Variants in NAP1L4 observed in about 807,000 individuals in gnomAD.
NAP1L4 encodes the protein nucleosome assembly protein 1-like 4.
A neutral mutation model predicts 58.2 loss-of-function variants in NAP1L4; 15 were observed. The observed-to-expected ratio is 0.26, with a 90% CI of 0.17 to 0.40. The LOEUF (loss-of-function observed/expected upper bound fraction) is 0.40, where lower values mean the gene tolerates loss of function less well. Among genes scored for constraint, NAP1L4 ranks in the 10% least tolerant of loss-of-function variants. The pLI, the probability that NAP1L4 is intolerant of heterozygous loss-of-function variation, is 1.00. For missense variants in NAP1L4, 384 were observed against 451.1 expected (o/e 0.85, Z 1.35); for synonymous variants, 171 against 155.6 (o/e 1.10, Z -0.74).
chr11:2,947,265 G>A (rs1845983784), intron 15 of NAP1L4, among the ~76,000 whole-genome samples: 1 of 152,222 alleles, frequency 6.6e-6, no homozygotes, highest in African/African-American at 2.4e-5. Context: ...TGATGTAATA[G>A]GTATTTTCAA....
rs1168838588 is a variant in NAP1L4, at chr11:2,951,885, G to A, written c.1036-76C>T. 7.1e-7 allele frequency: 1 copy of A among 1,413,076 alleles called. No homozygotes were observed. The highest frequency in any genetic ancestry group is 1.2e-5 in the South Asian group (1 of 85,514). 87.5% of individuals were successfully genotyped at this position (1,413,076 alleles called of 1,614,324 possible). ...CTGCCCAAGACACCAGTCCCATCAA[G>A]TGACTCACTGACCAAGCCTAAGAGG... is the stretch of plus-strand genomic sequence containing the variant. On this transcript the variant is annotated intron_variant, in intron 12 of 15. Transcript: ENST00000380542. The surrounding 1 kb of genome is among the most constrained non-coding windows in gnomAD (Gnocchi z 4.0).
At chr11:2,988,465 T>C in intron 1 of NAP1L4, among the ~76,000 whole-genome samples, 1 of 152,234 alleles carries the variant, frequency 6.6e-6, no homozygotes, top group East Asian at 1.9e-4. Flanking sequence ...ACTTCTGTTT[T>C]ATTCTGCGGG....
chr11:2,965,791 A>T (rs1284501799), intron 7 of NAP1L4, among the ~76,000 whole-genome samples: 1 of 152,068 alleles, frequency 6.6e-6, no homozygotes, highest in Non-Finnish European at 1.5e-5. Flanking sequence ...CGGCCTCCCA[A>T]AGTGCTGGGA....
At chr11:2,947,813 A>AT (rs1564970750) in intron 15 of NAP1L4, among the ~76,000 whole-genome samples, 3 of 152,344 alleles carry the variant, frequency 2.0e-5, no homozygotes, top group East Asian at 1.9e-4. Flanking sequence ...GTTTGAACAG[A>AT]TAACACTCGA....
At chr11:2,945,676 G>A (rs1007634467) in intron 15 of NAP1L4, 30 bp from the exon 16 acceptor site, 232 of 1,527,740 alleles carry the variant, frequency 1.5e-4, no homozygotes, top group Non-Finnish European at 1.8e-4. Flanking sequence ...GGCTTGTAGA[G>A]AGCAAAGCCA....
chr11:2,977,679 A>G (rs7103211), intron 3 of NAP1L4, among the ~76,000 whole-genome samples: 1,644 of 152,210 alleles, frequency 0.011, 33 homozygotes, highest in African/African-American at 0.038. Flanking sequence ...GTTTCTTGGT[A>G]ATGACATTGT....
At position 2,949,287 on chromosome 11, in the gene NAP1L4, AG is replaced by A. The variant is rs749517863; in HGVS notation, c.1123-24del. On this transcript the variant is annotated intron_variant, in intron 14 of 15. Coordinates refer to ENST00000380542, the MANE Select transcript of NAP1L4 (RefSeq NM_005969.4). The surrounding 1 kb of genome is among the most constrained non-coding windows in gnomAD (Gnocchi z 4.0). ...CACCTAAATGGGGAAAAAAATTGAAAGGAACTGTCAGCATGAAAGAAAATGA... is the reference window on the plus strand; with the variant it reads ...CACCTAAATGGGGAAAAAAATTGAAAGAACTGTCAGCATGAAAGAAAATGA... The A allele has an allele frequency of 1.3e-6, 2 of 1,573,458 alleles. No individual in the cohort carries two copies. The highest frequency in any genetic ancestry group is 1.7e-6 in the Non-Finnish European group (2 of 1,143,028).
intron 7 of NAP1L4, among the ~76,000 whole-genome samples, chr11:2,966,020 CAGAAG>C (rs1327534816): frequency 2.0e-5 from 3 of 152,192 alleles, no homozygotes; most frequent in African/African-American, 7.2e-5. Flanking sequence ...TGAGGAAAGT[CAGAAG>C]AGGAGTGGGA....
intron 7 of NAP1L4, among the ~76,000 whole-genome samples, chr11:2,965,227 T>C (rs1447876819): frequency 6.6e-6 from 1 of 152,264 alleles, no homozygotes; most frequent in Non-Finnish European, 1.5e-5. Context: ...AAGTTGTGCA[T>C]GGCTTAACAA....
At chr11:2,980,201 AT>A (rs1253551773) in intron 1 of NAP1L4, among the ~76,000 whole-genome samples, 2 of 151,980 alleles carry the variant, frequency 1.3e-5, no homozygotes, top group Admixed American at 1.3e-4. Context: ...AAAAGTTATC[AT>A]TTTTTTTGAG....
intron 6 of NAP1L4, among the ~76,000 whole-genome samples, chr11:2,970,848 AC>A (rs78730766): frequency 0.11 from 15,466 of 141,812 alleles, 930 homozygotes; most frequent in African/African-American, 0.16. Flanking sequence ...ATCATATACC[AC>A]CCCCCCCCCA....
At chr11:2,970,854 C>T (rs1447189177) in intron 6 of NAP1L4, among the ~76,000 whole-genome samples, 1 of 107,882 alleles carries the variant, frequency 9.3e-6, no homozygotes, top group Non-Finnish European at 2.0e-5. Context: ...TACCACCCCC[C>T]CCCCAAAAAA....
At position 2,969,814 on chromosome 11, in the gene NAP1L4, C is replaced by T; in HGVS notation, c.523G>A (p.Glu175Lys). The part of the protein sequence containing the change: ...TIFRNVDMLS[E>K]LVQEYDEPIL... ...AGAAGTGTGCTTACCTGGACTAATT[C>T]ACTCAGCATGTCCACATTTCTGAAG... is the stretch of plus-strand genomic sequence containing the variant. The change falls in exon 7 of 16, where the codon GAA becomes AAA. Residue 175 changes from glutamate to lysine, a missense_variant. Physicochemically the swap from Glu to Lys is moderately conservative, Grantham distance 56 (BLOSUM62 1). Around this residue, in one of 3 missense-constraint regions of NAP1L4, gnomAD observed 296 missense variants for 360.8 expected, o/e 0.82. Coordinates refer to ENST00000380542, the MANE Select transcript of NAP1L4 (RefSeq NM_005969.4). 1 of 1,612,512 alleles carries T rather than the reference C, an allele frequency of 6.2e-7. No individual in the cohort carries two copies. The highest frequency in any genetic ancestry group is 1.7e-5 in the Admixed American group (1 of 59,766).
intron 3 of NAP1L4, among the ~76,000 whole-genome samples, chr11:2,976,483 C>T (rs1466299927): frequency 6.6e-6 from 1 of 152,174 alleles, no homozygotes; most frequent in Non-Finnish European, 1.5e-5. Flanking sequence ...GTCCAGAAGC[C>T]ACGAACAGAG....
At chr11:2,978,171 G>C in intron 3 of NAP1L4, 113 bp downstream of exon 3, 2 of 960,878 alleles carry the variant, frequency 2.1e-6, no homozygotes, top group Non-Finnish European at 3.1e-6. Flanking sequence ...AATTACTCTA[G>C]CTTTCCTAAA....
At chr11:2,963,400 A>G (rs1459000330) in intron 8 of NAP1L4, among the ~76,000 whole-genome samples, 1 of 152,184 alleles carries the variant, frequency 6.6e-6, no homozygotes, top group Admixed American at 6.5e-5. Context: ...AGGACCTGCT[A>G]TAACCCACAT....
intron 7 of NAP1L4, among the ~76,000 whole-genome samples, chr11:2,968,494 CT>C (rs1169468585): frequency 6.6e-6 from 1 of 152,132 alleles, no homozygotes; most frequent in East Asian, 1.9e-4. Flanking sequence ...ATTTTAGATG[CT>C]TTCTGGTCTG....
chr11:2,978,741 C>T (rs1289574693), intron 2 of NAP1L4, among the ~76,000 whole-genome samples: 1 of 152,228 alleles, frequency 6.6e-6, no homozygotes, highest in East Asian at 1.9e-4. Context: ...CAAGTTAAGA[C>T]AGTGCCCAAA....
chr11:2,989,721 A>G (rs1237551592), intron 1 of NAP1L4: 1 of 152,246 alleles, frequency 6.6e-6, no homozygotes, highest in Non-Finnish European at 1.5e-5. Flanking sequence ...CATGCGGTCA[A>G]TAACAAGAGG....
Sources: allele counts gnomAD v4.1 joint callset (sites outside exome capture counted in the v4.1 genomes callset), GRCh38; gene constraint gnomAD v4.1.1; regional missense constraint gnomAD v4.1.1; non-coding constraint Gnocchi (gnomAD v3.1); transcripts MANE v1.5; gene names NCBI Gene and HGNC (gene_info 2026-07-23, HGNC 2026-07-21).